Variants in OLFM1 observed in about 807,000 individuals in gnomAD.
OLFM1 encodes olfactomedin 1.
Under a neutral mutation model 49.7 loss-of-function variants are expected in OLFM1, and 9 were observed. The observed-to-expected ratio is 0.18, with a 90% confidence interval of 0.11 to 0.32. The LOEUF is 0.32. Ranked by LOEUF, OLFM1 falls within the 10% of genes least tolerant of loss-of-function variation. The pLI is 1.00. For missense variants in OLFM1, 369 were observed against 661.8 expected, an observed-to-expected ratio of 0.56 and a Z score of 4.85; for synonymous variants, 240 against 271.8, an observed-to-expected ratio of 0.88 and a Z score of 1.15.
In OLFM1 at chr9:135,095,899, C is replaced by T. The variant is rs1365765988; in HGVS notation, c.336C>T (p.Asp112=). 1 of 1,612,960 alleles carries T rather than the reference C, an allele frequency of 6.2e-7. No individual in the cohort carries two copies. Among genetic ancestry groups the T allele is most frequent in the African/African-American group, 1.3e-5 (1 of 74,758 alleles). The part of the protein sequence containing the change: ...QNMSQSIEVL[D]RRTQRDLQYV... ...TGTCTCAATCCATAGAGGTCTTGGA[C>T]AGGCGGACCCAGAGAGACTTGCAGT... Residue 112 remains aspartate, a synonymous_variant, in exon 3 of 6, where the codon GAC becomes GAT. Coordinates refer to ENST00000371793, the MANE Select transcript of OLFM1 (RefSeq NM_001282611.2).
rs1830627705 is a variant in OLFM1 at position 135,088,203 on chromosome 9, T to C, written c.150+64T>C. The stretch of plus-strand genomic sequence containing the variant: ...TCCTCCTCCTCCTCCCCCTCCTCGG[T>C]CCGGAGCCCCGGGCTGGGCGGGCGC... On this transcript the variant is annotated intron_variant, in intron 1 of 5. Transcript: ENST00000371793. The surrounding 1 kb of genome is among the most constrained non-coding windows in gnomAD (Gnocchi z 4.8). 1 of 1,221,218 alleles carries C rather than the reference T, an allele frequency of 8.2e-7. No homozygotes were observed. Among genetic ancestry groups the C allele is most frequent in the Admixed American group, 4.4e-5 (1 of 22,878 alleles). The allele number at this position is 1,221,218 out of a possible 1,614,324, so 75.6% of individuals were successfully genotyped here. A position where few individuals can be genotyped will look rare whatever the true frequency, so the allele number is the denominator to read the frequency against.
intron 4 of OLFM1, among the ~76,000 whole-genome samples, chr9:135,100,943 TGATA>T (rs1185092801): frequency 1.4e-5 from 2 of 143,712 alleles, no homozygotes; most frequent in Non-Finnish European, 3.1e-5. Context: ...ATTGATTGAT[TGATA>T]GATGATTGAC....
At chr9:135,118,003 G>A (rs1313223568) in intron 5 of OLFM1, among the ~76,000 whole-genome samples, 1 of 152,210 alleles carries the variant, frequency 6.6e-6, no homozygotes, top group African/African-American at 2.4e-5. Flanking sequence ...GGTAGGACGT[G>A]GCACCCTTTG....
intron 4 of OLFM1, among the ~76,000 whole-genome samples, chr9:135,101,228 G>A (rs1830865994): frequency 6.6e-6 from 1 of 152,124 alleles, no homozygotes. Flanking sequence ...GTGGCCTCCA[G>A]TAGTGGGCAG....
At chr9:135,106,679 C>T (rs561943380) in intron 4 of OLFM1, 70 bp from the exon 5 acceptor site, 15 of 1,191,868 alleles carry the variant, frequency 1.3e-5, no homozygotes, top group East Asian at 5.0e-5. Context: ...TCTGGGCAGT[C>T]GAGGTCAGGG....
At chr9:135,110,006 T>C (rs1260879527) in intron 5 of OLFM1, among the ~76,000 whole-genome samples, 1 of 152,190 alleles carries the variant, frequency 6.6e-6, no homozygotes, top group Non-Finnish European at 1.5e-5. Context: ...GTCCGGCCTG[T>C]GCTGAGCACT....
chr9:135,106,491 G>T, intron 4 of OLFM1: 1 of 486,344 alleles, frequency 2.1e-6, no homozygotes, highest in Non-Finnish European at 3.7e-6. Flanking sequence ...AAGCCTGGGA[G>T]GGCGGCCGTC....
intron 2 of OLFM1, among the ~76,000 whole-genome samples, chr9:135,091,602 CACAT>C (rs1462882245): frequency 6.6e-6 from 1 of 151,076 alleles, no homozygotes; most frequent in East Asian, 1.9e-4. Flanking sequence ...CACACACTCA[CACAT>C]AGTCACACAG....
chr9:135,089,204 C>T (rs148008166), intron 1 of OLFM1, among the ~76,000 whole-genome samples: 9 of 152,234 alleles, frequency 5.9e-5, no homozygotes, highest in Admixed American at 3.3e-4. Context: ...GACTTTGTTC[C>T]GGCCTGCCGG....
intron 2 of OLFM1, among the ~76,000 whole-genome samples, chr9:135,090,751 G>T (rs1173386064): frequency 6.6e-6 from 1 of 152,156 alleles, no homozygotes; most frequent in Non-Finnish European, 1.5e-5. Flanking sequence ...CTGTCACCCA[G>T]CAGCTACCTT....
chr9:135,118,159 C>G (rs1282547300), intron 5 of OLFM1, among the ~76,000 whole-genome samples: 6 of 152,228 alleles, frequency 3.9e-5, no homozygotes, highest in Admixed American at 1.3e-4. Context: ...GCCCAAGGAA[C>G]AGCTTTCCAC....
chr9:135,109,783 A>G (rs1536660), intron 5 of OLFM1, among the ~76,000 whole-genome samples: 130,066 of 152,108 alleles, frequency 0.86, 56,044 homozygotes, highest in African/African-American at 0.94. Context: ...ATTGTAAGGC[A>G]GGTGTGGCCA....
chr9:135,119,926 C>T lies in OLFM1; in HGVS notation c.1206C>T (p.Ala402=), dbSNP rs3180564. 1.2e-5 allele frequency: 19 copies of T among 1,613,414 alleles called. No homozygotes were observed. Among genetic ancestry groups the T allele is most frequent in the African/African-American group, 4.0e-5 (3 of 74,934 alleles). ...ACACGAGCTACCCCAAGCGCAGCGC[C>T]GGGGAGGCCTTCATCATCTGCGGCA... The part of the protein sequence containing the change: ...TWNTSYPKRS[A]GEAFIICGTL... Residue 402 remains alanine, a synonymous_variant, in exon 6 of 6, where the codon GCC becomes GCT. Coordinates refer to ENST00000371793, the MANE Select transcript of OLFM1 (RefSeq NM_001282611.2).
upstream of OLFM1, chr9:135,087,184 C>A: frequency 5.8e-6 from 8 of 1,382,448 alleles, no homozygotes; most frequent in Non-Finnish European, 6.6e-6. Flanking sequence ...TGGAGGCCCT[C>A]GCGAGTCTGG....
In OLFM1 at chr9:135,088,331, C is replaced by A. The variant is rs867822382; in HGVS notation, c.150+192C>A. Among the ~76,000 whole-genome samples the A allele has an allele frequency of 3.3e-5, 5 of 151,876 alleles. No individual in the cohort carries two copies. Among genetic ancestry groups the A allele is most frequent in the Non-Finnish European group, 7.4e-5 (5 of 67,918 alleles). ...GTGGCGACCCTGCTCCCCGCTCCCC[C>A]AGCCTGGGCCACTCCATCTCCGCCC... On this transcript the variant is annotated intron_variant, in intron 1 of 5. Transcript: ENST00000371793. The surrounding 1 kb of genome is among the most constrained non-coding windows in gnomAD (Gnocchi z 4.8).
intron 4 of OLFM1, among the ~76,000 whole-genome samples, chr9:135,104,457 G>C (rs1830911680): frequency 6.6e-6 from 1 of 152,204 alleles, no homozygotes. Flanking sequence ...GGTTCCGGGC[G>C]TTAGTGTGGG....
Position 135,088,684 on chromosome 9 carries a change from A to G in OLFM1, c.150+545A>G, listed in dbSNP as rs62573434. Among the ~76,000 whole-genome samples the G allele has an allele frequency of 9.3e-4, 141 of 151,938 alleles. No individual in the cohort carries two copies. Among genetic ancestry groups the G allele is most frequent in the Middle Eastern group, 3.4e-3 (1 of 294 alleles). ...AGCTCCTGCCCGCGCCTGCATTCCCAAAGTCCCAAGGCGCCCTTTCCTCCC... is the reference window on the plus strand; with the variant it reads ...AGCTCCTGCCCGCGCCTGCATTCCCGAAGTCCCAAGGCGCCCTTTCCTCCC... On this transcript the variant is annotated intron_variant, in intron 1 of 5. Coordinates refer to ENST00000371793, the MANE Select transcript of OLFM1 (RefSeq NM_001282611.2). The surrounding 1 kb of genome is among the most constrained non-coding windows in gnomAD (Gnocchi z 4.8).
intron 1 of OLFM1, chr9:135,077,330 C>A: frequency 7.3e-7 from 1 of 1,361,104 alleles, no homozygotes; most frequent in Non-Finnish European, 9.5e-7. Context: ...CAAGGGCCCT[C>A]CAAGCCTTAA....
chr9:135,107,321 G>A (rs1363623016), intron 5 of OLFM1, among the ~76,000 whole-genome samples: 1 of 152,262 alleles, frequency 6.6e-6, no homozygotes, highest in African/African-American at 2.4e-5. Flanking sequence ...ATGGCTGATG[G>A]AGACTCATGT....
Sources: allele counts gnomAD v4.1 joint callset (sites outside exome capture counted in the v4.1 genomes callset), GRCh38; gene constraint gnomAD v4.1.1; non-coding constraint Gnocchi (gnomAD v3.1); transcripts MANE v1.5; gene names NCBI Gene and HGNC (gene_info 2026-07-23, HGNC 2026-07-21).